SMARCA4: variants seen among roughly 807,000 people sequenced by gnomAD.
SMARCA4 encodes SWI/SNF related BAF chromatin remodeling complex subunit ATPase 4.
A neutral mutation model predicts 193.9 loss-of-function variants in SMARCA4; 31 were observed. The observed-to-expected ratio is 0.16, with a 90% CI of 0.12 to 0.22. The LOEUF is 0.22. SMARCA4 is among the 10% of genes least tolerant of loss of function. The pLI is 1.00. For synonymous variants in SMARCA4, 942 were observed against 933.1 expected (o/e 1.01, Z -0.17); for missense variants, 1,148 against 2,296.0 (o/e 0.50, Z 10.22).
chr19:11,027,021 C>G (rs1249048406), intron 23 of SMARCA4, among the ~76,000 whole-genome samples: 1 of 152,146 alleles, frequency 6.6e-6, no homozygotes, highest in African/African-American at 2.4e-5. Flanking sequence ...AAGGGGCAGC[C>G]CAGACTCCTT....
At chr19:11,014,215 G>A (rs959189120) in intron 16 of SMARCA4, among the ~76,000 whole-genome samples, 2 of 152,062 alleles carry the variant, frequency 1.3e-5, no homozygotes, top group African/African-American at 4.8e-5. Context: ...GCTGGGGAGC[G>A]GCATGCCCAT....
rs1259227011 is a variant in SMARCA4, at chr19:11,030,001, A to G, written c.3383-729A>G. Among the ~76,000 whole-genome samples, 2 of 152,000 alleles carry G rather than the reference A, an allele frequency of 1.3e-5. No individual in the cohort carries two copies. Among genetic ancestry groups the G allele is most frequent in the African/African-American group, 4.8e-5 (2 of 41,376 alleles). On this transcript the variant is annotated intron_variant, in intron 24 of 34. Transcript: ENST00000344626. This position sits in a 1 kb window ranked among gnomAD's most constrained non-coding sequence, Gnocchi z 5.5. Reference sequence around the variant, plus strand: ...TGCCAGTTTTTATTTCATCACCAAAATGACTTCAGTGTTCAGGGGCACCTC... The same window carrying G: ...TGCCAGTTTTTATTTCATCACCAAAGTGACTTCAGTGTTCAGGGGCACCTC...
chr19:10,971,955 A>ATT (rs539620346), intron 1 of SMARCA4, among the ~76,000 whole-genome samples: 6,382 of 125,142 alleles, frequency 0.051, 201 homozygotes, highest in South Asian at 0.1. Flanking sequence ...CGCTTGGCTA[A>ATT]TTTTTTTTTT....
At position 11,041,455 on chromosome 19, in the gene SMARCA4, A is replaced by G. The variant is rs2146819202; in HGVS notation, c.4319A>G (p.Gln1440Arg). 1 of 1,612,692 alleles carries G rather than the reference A, an allele frequency of 6.2e-7. No homozygotes were observed. The highest frequency in any genetic ancestry group is 1.1e-5 in the South Asian group (1 of 91,088). Residue 1440 changes from glutamine (Q) to arginine (R), a missense_variant, in exon 30 of 35, where the codon CAG (glutamine) becomes CGG (arginine). This residue lies in a region of SMARCA4 where 141 missense variants were observed against 193.0 expected (regional missense o/e 0.73). Coordinates refer to ENST00000344626, the MANE Select transcript of SMARCA4 (RefSeq NM_003072.5). The surrounding 1 kb of genome is among the most constrained non-coding windows in gnomAD (Gnocchi z 5.6). ...GACAAGGACGACGAGAGCAAGAAGC[A>G]GAAGAAGCGCGGGCGGCCGCCTGCC... ...SRDKDDESKK[Q>R]KKRGRPPAEK... is the part of the protein sequence containing the mutation.
Position 10,987,065 on chromosome 19 carries a change from C to A in SMARCA4, c.859+62C>A. On this transcript the variant is annotated intron_variant, in intron 5 of 34. Transcript: ENST00000344626. This position sits in a 1 kb window ranked among gnomAD's most constrained non-coding sequence, Gnocchi z 5.3. Reference sequence around the variant, plus strand: ...TTACTCCCCATCTCAAGCTTGGGTCCTTGAGATGAGCTTTGTCAGGGAGAA... The same window carrying A: ...TTACTCCCCATCTCAAGCTTGGGTCATTGAGATGAGCTTTGTCAGGGAGAA... 1 of 1,235,540 alleles carries A rather than the reference C, an allele frequency of 8.1e-7. No individual in the cohort carries two copies. The highest frequency in any genetic ancestry group is 1.2e-6 in the Non-Finnish European group (1 of 853,734). 76.5% of individuals were successfully genotyped at this position (1,235,540 alleles called of 1,614,324 possible).
intron 30 of SMARCA4, among the ~76,000 whole-genome samples, chr19:11,051,908 C>G (rs1280014789): frequency 1.3e-5 from 2 of 152,038 alleles, no homozygotes; most frequent in Non-Finnish European, 2.9e-5. Context: ...CCAGCCTGAC[C>G]AAGATGGTGA....
In SMARCA4 at chr19:11,039,445, A is replaced by C. The variant is rs2075447980; in HGVS notation, c.4171-1862A>C. On this transcript the variant is annotated intron_variant, in intron 29 of 34. Coordinates refer to ENST00000344626, the MANE Select transcript of SMARCA4 (RefSeq NM_003072.5). ...CTGAAACACTAAACAGACATTAAAAAATTTTGTTGTAGAAAATTACAGGAA... is the reference window on the plus strand; with the variant it reads ...CTGAAACACTAAACAGACATTAAAACATTTTGTTGTAGAAAATTACAGGAA... The C allele has an allele frequency of 1.9e-6, 3 of 1,569,512 alleles. No homozygotes were observed. Among genetic ancestry groups the C allele is most frequent in the South Asian group, 1.2e-5 (1 of 86,018 alleles).
chr19:11,060,564 C>T, intron 34 of SMARCA4: 1 of 377,694 alleles, frequency 2.6e-6, no homozygotes, highest in Non-Finnish European at 5.0e-6. Flanking sequence ...AGACAGTGCC[C>T]CGTCTCCTCA....
intron 13 of SMARCA4, among the ~76,000 whole-genome samples, chr19:11,007,080 C>G (rs1022485190): frequency 6.6e-6 from 1 of 151,796 alleles, no homozygotes; most frequent in Admixed American, 6.6e-5. Flanking sequence ...GAGCAAGACC[C>G]CATCTCAACA....
intron 9 of SMARCA4, 64 bp from the exon 10 acceptor site, chr19:10,996,149 C>T (rs1004787960): frequency 9.6e-6 from 15 of 1,561,114 alleles, no homozygotes; most frequent in Non-Finnish European, 1.3e-5. Context: ...GATTGACTGG[C>T]CATGGGTGCT....
chr19:10,981,934 G>C (rs1224320071), intron 1 of SMARCA4, among the ~76,000 whole-genome samples: 2 of 152,142 alleles, frequency 1.3e-5, no homozygotes, highest in Non-Finnish European at 2.9e-5. Context: ...GCTGCAGTGG[G>C]CTATGATGGC....
chr19:10,965,629 A>G (rs2084152785), intron 1 of SMARCA4, among the ~76,000 whole-genome samples: 1 of 152,320 alleles, frequency 6.6e-6, no homozygotes, highest in South Asian at 2.1e-4. Context: ...ACACACGTCT[A>G]GATGGTGGAG....
At chr19:11,010,358 C>T (rs1475045027) in intron 14 of SMARCA4, 23 bp from the exon 15 acceptor site, 24 of 1,613,210 alleles carry the variant, frequency 1.5e-5, no homozygotes, top group South Asian at 4.4e-5. Flanking sequence ...TGTCCTTACC[C>T]GGCACCTCCA....
At chr19:11,013,388 G>A (rs1269413068) in intron 16 of SMARCA4, among the ~76,000 whole-genome samples, 1 of 152,208 alleles carries the variant, frequency 6.6e-6, no homozygotes, top group Non-Finnish European at 1.5e-5. Context: ...CTTCTTAGAA[G>A]GACATGGGTC....
chr19:11,048,677 G>GT (rs2076087971), intron 30 of SMARCA4, among the ~76,000 whole-genome samples: 1 of 152,232 alleles, frequency 6.6e-6, no homozygotes, highest in African/African-American at 2.4e-5. Flanking sequence ...CCGCTGCTGT[G>GT]TTGGGGCCAG....
intron 15 of SMARCA4, chr19:11,011,792 T>C (rs1007545953): frequency 2.6e-5 from 4 of 152,214 alleles, no homozygotes; most frequent in Non-Finnish European, 1.5e-5. Context: ...ACTTCTGAGC[T>C]GTAGCGCCCT....
In SMARCA4 at chr19:11,058,070, C is replaced by T. The variant is rs2076643477; in HGVS notation, c.4425-185C>T. On this transcript the variant is annotated intron_variant, in intron 30 of 34. Transcript: ENST00000344626. This position sits in a 1 kb window ranked among gnomAD's most constrained non-coding sequence, Gnocchi z 5.8. The stretch of plus-strand genomic sequence containing the variant: ...GCAGTGAGCCGAGATCGCACCATTG[C>T]ACTCCAGCCTGGGCAGCAAGAGCGA... Among the ~76,000 whole-genome samples, 1 of 151,464 alleles carries T rather than the reference C, an allele frequency of 6.6e-6. No individual in the cohort carries two copies. Among genetic ancestry groups the T allele is most frequent in the African/African-American group, 2.4e-5 (1 of 41,238 alleles).
intron 14 of SMARCA4, among the ~76,000 whole-genome samples, chr19:11,008,973 CAAA>C (rs558392151): frequency 2.0e-5 from 1 of 49,996 alleles, no homozygotes; most frequent in Non-Finnish European, 3.7e-5. Context: ...GACTCCATCT[CAAA>C]AAAAAAAAAA....
chr19:11,045,887 G>A (rs1011641001), intron 30 of SMARCA4, among the ~76,000 whole-genome samples: 1 of 151,800 alleles, frequency 6.6e-6, no homozygotes, highest in Admixed American at 6.6e-5. Context: ...GTTCAGATGA[G>A]CCTGGCCAAC....
Sources: gnomAD v4.1 joint callset for allele counts (sites outside exome capture counted in the v4.1 genomes callset) on GRCh38, gnomAD v4.1.1 for gene constraint, gnomAD v4.1.1 regional missense constraint, Gnocchi (gnomAD v3.1) non-coding constraint, MANE v1.5 for transcripts, NCBI Gene and HGNC (gene_info 2026-07-23, HGNC 2026-07-21) for gene names.